The following PTPRG variants were observed in gnomAD, a reference collection of about 807,000 sequenced individuals.
PTPRG encodes protein tyrosine phosphatase receptor type G.
PTPRG carries 102 observed loss-of-function variants against 165.3 expected under a neutral mutation model. The observed-to-expected ratio is 0.62, with a 90% confidence interval of 0.53 to 0.73. The LOEUF (loss-of-function observed/expected upper bound fraction) is 0.73, where lower values mean the gene tolerates loss of function less well. PTPRG is among the 30% of genes least tolerant of loss of function. PTPRG has a pLI of 0.00. For synonymous variants in PTPRG, 675 were observed against 669.5 expected, an observed-to-expected ratio of 1.01 and a Z score of -0.13; for missense variants, 1,866 against 1,861.4, an observed-to-expected ratio of 1.00 and a Z score of -0.05.
At chr3:62,069,402 TG>T (rs1701126448) in intron 4 of PTPRG, among the ~76,000 whole-genome samples, 1 of 152,144 alleles carries the variant, frequency 6.6e-6, no homozygotes, top group Non-Finnish European at 1.5e-5. Flanking sequence ...TGTAAGAGTG[TG>T]AACTGGGCTG....
At chr3:61,608,795 C>T (rs1209281265) in intron 1 of PTPRG, among the ~76,000 whole-genome samples, 1 of 152,192 alleles carries the variant, frequency 6.6e-6, no homozygotes, top group Non-Finnish European at 1.5e-5. Context: ...GATGCTTTCC[C>T]TGATGCCAGG....
intron 8 of PTPRG, among the ~76,000 whole-genome samples, chr3:62,173,620 C>G (rs1025341773): frequency 1.3e-5 from 2 of 152,130 alleles, no homozygotes; most frequent in Admixed American, 6.5e-5. Flanking sequence ...CTGAAAGACC[C>G]TAGGACCAAC....
intron 7 of PTPRG, among the ~76,000 whole-genome samples, chr3:62,165,516 C>G (rs1372412771): frequency 6.6e-6 from 1 of 152,096 alleles, no homozygotes; most frequent in African/African-American, 2.4e-5. Flanking sequence ...CTTTCCTTTG[C>G]TGTAAATAAA....
intron 19 of PTPRG, among the ~76,000 whole-genome samples, chr3:62,268,459 C>T (rs144838407): frequency 8.2e-4 from 125 of 151,992 alleles, no homozygotes; most frequent in Non-Finnish European, 1.4e-3. Context: ...AACAAACCTG[C>T]AAATCTTGCA....
chr3:61,888,177 A>G (rs1325378044), intron 2 of PTPRG, among the ~76,000 whole-genome samples: 1 of 151,642 alleles, frequency 6.6e-6, no homozygotes, highest in Non-Finnish European at 1.5e-5. Context: ...CTTTTGATCT[A>G]GTTTCACTAA....
At chr3:61,597,014 A>T (rs1365786359) in intron 1 of PTPRG, among the ~76,000 whole-genome samples, 1 of 152,152 alleles carries the variant, frequency 6.6e-6, no homozygotes, top group Non-Finnish European at 1.5e-5. Context: ...TTAAGGGGCC[A>T]GCGTGTGGTG....
chr3:61,576,666 A>G (rs1230150052), intron 1 of PTPRG, among the ~76,000 whole-genome samples: 1 of 152,234 alleles, frequency 6.6e-6, no homozygotes, highest in Non-Finnish European at 1.5e-5. Flanking sequence ...ACCTTCGAAA[A>G]TAGCATGAGA....
intron 2 of PTPRG, among the ~76,000 whole-genome samples, chr3:61,852,509 A>G (rs1175411264): frequency 6.6e-6 from 1 of 152,220 alleles, no homozygotes; most frequent in African/African-American, 2.4e-5. Flanking sequence ...TTTAAAAACC[A>G]TGGACATATA....
intron 9 of PTPRG, among the ~76,000 whole-genome samples, chr3:62,191,971 G>C (rs1699837216): frequency 6.6e-6 from 1 of 152,142 alleles, no homozygotes; most frequent in Non-Finnish European, 1.5e-5. Flanking sequence ...CTTTTCATCT[G>C]ATGGGATTAT....
At chr3:62,067,038 CA>C (rs58056271) in intron 4 of PTPRG, among the ~76,000 whole-genome samples, 3,992 of 111,832 alleles carry the variant, frequency 0.036, 201 homozygotes, top group African/African-American at 0.13. Flanking sequence ...GATTCTGACT[CA>C]AAAAAAAAAA....
At chr3:62,130,768 G>A (rs1242204415) in intron 5 of PTPRG, among the ~76,000 whole-genome samples, 6 of 152,244 alleles carry the variant, frequency 3.9e-5, no homozygotes, top group Admixed American at 6.5e-5. Flanking sequence ...CAAATACGAT[G>A]TTTCTTCTAA....
At chr3:61,753,982 CT>C (rs924119037) in intron 2 of PTPRG, among the ~76,000 whole-genome samples, 16 of 151,944 alleles carry the variant, frequency 1.1e-4, no homozygotes, top group Admixed American at 7.2e-4. Context: ...CCTTCCTCTG[CT>C]TTTTTTTGTT....
chr3:62,197,693 A>C (rs993829617), intron 10 of PTPRG, among the ~76,000 whole-genome samples: 3 of 152,222 alleles, frequency 2.0e-5, no homozygotes, highest in Non-Finnish European at 4.4e-5. Flanking sequence ...CCAAGAGCCT[A>C]GAATCTGCAG....
intron 2 of PTPRG, among the ~76,000 whole-genome samples, chr3:61,984,366 T>C (rs1197277701): frequency 2.0e-5 from 3 of 152,172 alleles, no homozygotes; most frequent in Non-Finnish European, 4.4e-5. Flanking sequence ...ATTATTTTCT[T>C]TACCGTAGTC....
chr3:61,978,280 A>T (rs9985244), intron 2 of PTPRG, among the ~76,000 whole-genome samples: 70,296 of 152,066 alleles, frequency 0.46, 17,069 homozygotes, highest in African/African-American at 0.63. Context: ...GTTCCTCCAA[A>T]GCAGAACATT....
At chr3:61,929,872 T>C (rs62243238) in intron 2 of PTPRG, among the ~76,000 whole-genome samples, 16,460 of 152,286 alleles carry the variant, frequency 0.11, 983 homozygotes, top group Non-Finnish European at 0.14. Context: ...TTATTTCATT[T>C]GTACCATATG....
At chr3:61,743,117 G>T in intron 1 of PTPRG, 1 of 1,383,748 alleles carries the variant, frequency 7.2e-7, no homozygotes. Context: ...GGCTTCTCAC[G>T]CCGCGCTAAC....
At chr3:61,794,191 T>C (rs985176208) in intron 2 of PTPRG, among the ~76,000 whole-genome samples, 1 of 152,202 alleles carries the variant, frequency 6.6e-6, no homozygotes, top group African/African-American at 2.4e-5. Flanking sequence ...ATCTCCATTT[T>C]ACTTTAAAAA....
At chr3:62,191,777 A>T (rs1316664866) in intron 9 of PTPRG, 124 bp downstream of exon 9, 6 of 1,005,680 alleles carry the variant, frequency 6.0e-6, no homozygotes, top group Non-Finnish European at 7.3e-6. Context: ...TCTGGTGAAC[A>T]TGGGCACTGC....
Sources: gnomAD v4.1 joint callset for allele counts (sites outside exome capture counted in the v4.1 genomes callset) on GRCh38, gnomAD v4.1.1 for gene constraint, MANE v1.5 for transcripts, NCBI Gene and HGNC (gene_info 2026-07-23, HGNC 2026-07-21) for gene names.